The following VAV2 variants were observed in gnomAD, a reference collection of about 807,000 sequenced individuals.
VAV2 encodes vav guanine nucleotide exchange factor 2.
VAV2 carries 67 observed loss-of-function variants against 132.5 expected under a neutral mutation model. The observed-to-expected ratio is 0.51, with a 90% CI of 0.42 to 0.62. The LOEUF (loss-of-function observed/expected upper bound fraction) is 0.62, where lower values mean the gene tolerates loss of function less well. VAV2 is among the 20% of genes least tolerant of loss of function. The pLI, the probability that VAV2 is intolerant of heterozygous loss-of-function variation, is 0.00. For synonymous variants in VAV2, 492 were observed against 443.5 expected, an observed-to-expected ratio of 1.11 and a Z score of -1.37; for missense variants, 938 against 1,153.6, an observed-to-expected ratio of 0.81 and a Z score of 2.71.
intron 2 of VAV2, among the ~76,000 whole-genome samples, chr9:133,888,293 A>G (rs1838794861): frequency 6.6e-6 from 1 of 152,228 alleles, no homozygotes; most frequent in African/African-American, 2.4e-5. Context: ...ACGGCTGCAC[A>G]GCAACGTGAG....
rs1332911925 is a variant in VAV2 at position 133,788,597 on chromosome 9, G to A, written c.1275-111C>T. ...CTGGCACGCGGCTCCCTCTCCGGGC[G>A]AGCCCTGCCCTCACCTGGCTCACCA... On this transcript the variant is annotated intron_variant, in intron 14 of 29. Transcript: ENST00000371850. This position sits in a 1 kb window ranked among gnomAD's most constrained non-coding sequence, Gnocchi z 5.3. 2.5e-5 allele frequency: 37 copies of A among 1,467,648 alleles called. No individual in the cohort carries two copies. Among genetic ancestry groups the A allele is most frequent in the Non-Finnish European group, 3.2e-5 (35 of 1,088,092 alleles). 90.9% of individuals were successfully genotyped at this position (1,467,648 alleles called of 1,614,324 possible).
At chr9:133,858,578 G>C (rs1226862455) in intron 3 of VAV2, among the ~76,000 whole-genome samples, 1 of 152,120 alleles carries the variant, frequency 6.6e-6, no homozygotes, top group Admixed American at 6.5e-5. Flanking sequence ...GGATGGTCTT[G>C]GGGACCCCAC....
rs1833538563 is a variant in VAV2 at position 133,769,359 on chromosome 9, G to C, written c.2434+58C>G. On this transcript the variant is annotated intron_variant, in intron 28 of 29. Transcript: ENST00000371850. The surrounding 1 kb of genome is among the most constrained non-coding windows in gnomAD (Gnocchi z 8.1). ...GGGCCAGTGGGCAGCTCCGTGCTGG[G>C]TCTCCCAAGGCAGCTGCCACAGGCC... 7.2e-6 allele frequency: 11 copies of C among 1,537,408 alleles called. No individual in the cohort carries two copies. The highest frequency in any genetic ancestry group is 9.7e-6 in the Non-Finnish European group (11 of 1,134,310).
chr9:133,976,653 C>CG (rs1007287010), intron 1 of VAV2, among the ~76,000 whole-genome samples: 1 of 152,248 alleles, frequency 6.6e-6, no homozygotes, highest in African/African-American at 2.4e-5. Context: ...CTCTCCCCAG[C>CG]GCCTTCTCCC....
chr9:133,963,477 C>T (rs1331247431), intron 1 of VAV2, among the ~76,000 whole-genome samples: 1 of 152,180 alleles, frequency 6.6e-6, no homozygotes, highest in Admixed American at 6.5e-5. Flanking sequence ...CTCCACACTC[C>T]AAGTCGGCCA....
At chr9:133,950,481 C>G (rs941877378) in intron 1 of VAV2, among the ~76,000 whole-genome samples, 7 of 152,234 alleles carry the variant, frequency 4.6e-5, no homozygotes, top group Admixed American at 4.6e-4. Context: ...GGACCCACCT[C>G]TGCTGCCGAC....
At chr9:133,976,333 T>A (rs1842509933) in intron 1 of VAV2, among the ~76,000 whole-genome samples, 1 of 152,104 alleles carries the variant, frequency 6.6e-6, no homozygotes. Flanking sequence ...AGATCCTGAG[T>A]GGACTCTGGG....
rs1842242399 is a variant in VAV2 at position 133,969,113 on chromosome 9, T to C, written c.204+22962A>G. ...CTAGTTGCCTGAGATGAATCCCACA[T>C]GCCGGGATTCACACTTCCCCCGAGA... is the stretch of plus-strand genomic sequence containing the variant. On this transcript the variant is annotated intron_variant, in intron 1 of 29. Coordinates refer to ENST00000371850, the MANE Select transcript of VAV2 (RefSeq NM_001134398.2). This position sits in a 1 kb window ranked among gnomAD's most constrained non-coding sequence, Gnocchi z 5.1. Among the ~76,000 whole-genome samples, 2 of 151,642 alleles carry C rather than the reference T, an allele frequency of 1.3e-5. No homozygotes were observed. The highest frequency in any genetic ancestry group is 2.1e-4 in the South Asian group (1 of 4,774).
At chr9:133,947,518 G>A (rs1341378987) in intron 1 of VAV2, among the ~76,000 whole-genome samples, 3 of 152,064 alleles carry the variant, frequency 2.0e-5, no homozygotes, top group Admixed American at 1.3e-4. Context: ...TGACCAACAT[G>A]GTGAAACCTC....
intron 26 of VAV2, 25 bp from the exon 27 acceptor site, chr9:133,770,526 CA>C: frequency 6.2e-7 from 1 of 1,609,798 alleles, no homozygotes; most frequent in East Asian, 2.2e-5. Flanking sequence ...CACTCACTGA[CA>C]GCTGCTGCCA....
At chr9:133,979,361 C>T (rs976835725) in intron 1 of VAV2, among the ~76,000 whole-genome samples, 2 of 152,176 alleles carry the variant, frequency 1.3e-5, no homozygotes, top group Admixed American at 1.3e-4. Flanking sequence ...AGGCTCAACG[C>T]TGTGTGTGCG....
rs1458655083 is a variant in VAV2, at chr9:133,783,522, C to A, written c.1704G>T (p.Val568=). ...GVGAHKECLE[V]IPPCKFTSPA... is the part of the protein sequence containing the mutation. ...ACTCACTGAACTTGCAGGGAGGTAT[C>A]ACTTCCAGGCACTCCTTGTGTGCCC... The change falls in exon 19 of 30, where the codon GTG becomes GTT. Residue 568 remains valine, a synonymous_variant. Coordinates refer to ENST00000371850, the MANE Select transcript of VAV2 (RefSeq NM_001134398.2). The A allele has an allele frequency of 6.2e-7, 1 of 1,613,820 alleles. No individual in the cohort carries two copies. The highest frequency in any genetic ancestry group is 1.1e-5 in the South Asian group (1 of 91,082).
At chr9:133,775,550 T>C (rs1009480247) in intron 24 of VAV2, among the ~76,000 whole-genome samples, 4 of 152,342 alleles carry the variant, frequency 2.6e-5, no homozygotes, top group Admixed American at 6.5e-5. Context: ...TCCTGCCACC[T>C]GTACTGCAAT....
chr9:133,975,950 C>T (rs1010836490), intron 1 of VAV2, among the ~76,000 whole-genome samples: 17 of 152,026 alleles, frequency 1.1e-4, no homozygotes. Flanking sequence ...GTAATCCCAG[C>T]ACTTTGGGAG....
At chr9:133,810,758 C>T (rs1298942856) in intron 5 of VAV2, among the ~76,000 whole-genome samples, 1 of 152,206 alleles carries the variant, frequency 6.6e-6, no homozygotes, top group East Asian at 1.9e-4. Context: ...GAACCAGGGA[C>T]AGCAGCGGGC....
intron 22 of VAV2, 49 bp downstream of exon 22, chr9:133,778,713 G>C (rs1044078420): frequency 1.2e-6 from 2 of 1,602,622 alleles, no homozygotes; most frequent in Non-Finnish European, 8.5e-7. Context: ...AGGGAGCAGG[G>C]AGGAGCTGGA....
At chr9:133,907,099 T>C (rs1278950351) in intron 2 of VAV2, among the ~76,000 whole-genome samples, 1 of 152,152 alleles carries the variant, frequency 6.6e-6, no homozygotes, top group Non-Finnish European at 1.5e-5. Context: ...CACTCTCTTG[T>C]CCATACCTCC....
chr9:133,829,121 AG>A (rs1191082847), intron 4 of VAV2, among the ~76,000 whole-genome samples: 2 of 152,258 alleles, frequency 1.3e-5, no homozygotes, highest in East Asian at 3.9e-4. Flanking sequence ...AGAGTTGGGC[AG>A]GAACGAAAAG....
chr9:133,860,129 T>C (rs1051152158), intron 3 of VAV2, among the ~76,000 whole-genome samples: 3 of 151,812 alleles, frequency 2.0e-5, no homozygotes, highest in African/African-American at 4.8e-5. Flanking sequence ...GGTGAAACCC[T>C]TTCTCTACTG....
Sources: allele counts gnomAD v4.1 joint callset (sites outside exome capture counted in the v4.1 genomes callset), GRCh38; gene constraint gnomAD v4.1.1; non-coding constraint Gnocchi (gnomAD v3.1); transcripts MANE v1.5; gene names NCBI Gene and HGNC (gene_info 2026-07-23, HGNC 2026-07-21).